The following DNAAF11 variants were observed in gnomAD, a reference collection of about 807,000 sequenced individuals.
The protein encoded by DNAAF11 is leucine rich repeat containing 6.
In DNAAF11, 45 loss-of-function variants were observed where a neutral mutation model predicts 60.8. The ratio of observed to expected loss-of-function variants is 0.74; its 90% confidence interval spans 0.58 to 0.95. The LOEUF (loss-of-function observed/expected upper bound fraction) is 0.95. Among genes scored for constraint, DNAAF11 ranks in the 40% least tolerant of loss-of-function variants. The pLI, the probability that DNAAF11 is intolerant of heterozygous loss-of-function variation, is 0.00. For missense variants in DNAAF11, 546 were observed against 546.2 expected (o/e 1.00, Z 0.00); for synonymous variants, 191 against 183.5 (o/e 1.04, Z -0.33).
upstream of DNAAF11, among the ~76,000 whole-genome samples, chr8:132,676,407 AATT>A (rs1229344713): frequency 3.3e-5 from 5 of 152,166 alleles, no homozygotes; most frequent in South Asian, 8.3e-4. Context: ...TTATGAAAGT[AATT>A]ATTATTCTTT....
At chr8:132,656,686 G>C in intron 3 of DNAAF11, 144 bp downstream of exon 3, 1 of 481,012 alleles carries the variant, frequency 2.1e-6, no homozygotes, top group Non-Finnish European at 3.8e-6. Context: ...TGGTCAGGCT[G>C]GTCTCGAACT....
chr8:132,656,854 T>A lies in DNAAF11; in HGVS notation c.232A>T (p.Ile78Phe). 1 of 1,366,832 alleles carries A rather than the reference T, an allele frequency of 7.3e-7. No individual in the cohort carries two copies. The allele number at this position is 1,366,832 out of a possible 1,614,324, so 84.7% of individuals were successfully genotyped here. ...CCTTCCAAGTTTTCTATTTTTTCAA[T>A]GTTGTTTAAAGCTAAATTCAAATAT... ...LEYLNLALNN[I>F]EKIENLEGCE... Residue 78 changes from isoleucine (I) to phenylalanine (F), a missense_variant, in exon 3 of 12, where the codon ATT (isoleucine) becomes TTT (phenylalanine). Transcript: ENST00000620350.
chr8:132,675,759 C>T, upstream of DNAAF11: 1 of 410,418 alleles, frequency 2.4e-6, no homozygotes, highest in Non-Finnish European at 4.3e-6. Context: ...TCCGACTTGC[C>T]ACAGACTGCT....
chr8:132,588,441 A>G (rs1209506146), intron 10 of DNAAF11, among the ~76,000 whole-genome samples: 2 of 152,220 alleles, frequency 1.3e-5, no homozygotes, highest in African/African-American at 4.8e-5. Flanking sequence ...CCTCCATTAA[A>G]TCTGCTCCAA....
chr8:132,670,451 C>T (rs2130880017), intron 1 of DNAAF11, among the ~76,000 whole-genome samples: 1 of 152,280 alleles, frequency 6.6e-6, no homozygotes, highest in Admixed American at 6.5e-5. Flanking sequence ...CTGAACAGCC[C>T]TATATCTACT....
intron 3 of DNAAF11, among the ~76,000 whole-genome samples, chr8:132,653,038 T>A (rs1333968487): frequency 6.6e-6 from 1 of 152,186 alleles, no homozygotes; most frequent in African/African-American, 2.4e-5. Context: ...AACTTGAATC[T>A]GGTGAAATGT....
chr8:132,700,878 T>A, the DNAAF11 span, among the ~76,000 whole-genome samples: 4 of 152,176 alleles, frequency 2.6e-5, no homozygotes, highest in Non-Finnish European at 4.4e-5. Flanking sequence ...TGATAGAGTG[T>A]CTTCCTCATT....
chr8:132,580,037 GAA>G (rs573266391), intron 11 of DNAAF11, among the ~76,000 whole-genome samples: 2 of 131,036 alleles, frequency 1.5e-5, no homozygotes, highest in Non-Finnish European at 1.7e-5. Context: ...ACTACTCAAG[GAA>G]AAAAAAAAAA....
rs867212387 is a variant in DNAAF11, at chr8:132,632,204, C to T, written c.653+536G>A. On this transcript the variant is annotated intron_variant, in intron 5 of 11. Coordinates refer to ENST00000620350, the MANE Select transcript of DNAAF11 (RefSeq NM_012472.6). ...CTGTTATCTAAATACTTAATACTTT[C>T]ACTGTATGGAATCAAATCAACTGAC... Among the ~76,000 whole-genome samples, 60 of 151,956 alleles carry T rather than the reference C, an allele frequency of 3.9e-4. 1 individual carries two copies. Among genetic ancestry groups the T allele is most frequent in the Non-Finnish European group, 1.3e-4 (9 of 67,980 alleles).
At chr8:132,576,530 C>T (rs921611833) in intron 11 of DNAAF11, among the ~76,000 whole-genome samples, 14 of 152,156 alleles carry the variant, frequency 9.2e-5, no homozygotes, top group African/African-American at 3.4e-4. Flanking sequence ...TTTTGGTGAA[C>T]TGAAAGGGAT....
chr8:132,573,968 C>T (rs2130939337), intron 11 of DNAAF11, among the ~76,000 whole-genome samples: 1 of 152,278 alleles, frequency 6.6e-6, no homozygotes, highest in South Asian at 2.1e-4. Flanking sequence ...TGTGTAGCCT[C>T]TGAAGGGGTG....
At chr8:132,597,949 G>T (rs1218285830) in intron 10 of DNAAF11, among the ~76,000 whole-genome samples, 1 of 152,112 alleles carries the variant, frequency 6.6e-6, no homozygotes, top group African/African-American at 2.4e-5. Context: ...GAAATATTGG[G>T]AACAAAATTT....
upstream of DNAAF11, chr8:132,675,623 G>T: frequency 2.1e-6 from 2 of 972,276 alleles, no homozygotes; most frequent in Non-Finnish European, 2.9e-6. Context: ...ACTCTACGGC[G>T]GCCGCGCGGG....
At chr8:132,615,134 C>A in intron 7 of DNAAF11, 37 bp from the exon 8 acceptor site, 1 of 1,231,330 alleles carries the variant, frequency 8.1e-7, no homozygotes, top group Non-Finnish European at 1.2e-6. Context: ...AAAGAGATGT[C>A]TTTAGGATAC....
intron 11 of DNAAF11, among the ~76,000 whole-genome samples, chr8:132,575,977 G>A (rs926732376): frequency 6.6e-5 from 10 of 152,170 alleles, no homozygotes; most frequent in African/African-American, 2.4e-4. Context: ...GCAAGTGCCG[G>A]TGCCACGACT....
At chr8:132,673,104 CAA>C (rs2130898603) in intron 1 of DNAAF11, among the ~76,000 whole-genome samples, 1 of 152,248 alleles carries the variant, frequency 6.6e-6, no homozygotes, top group African/African-American at 2.4e-5. Context: ...TGTGGCACAG[CAA>C]AAGAGGACCA....
intron 5 of DNAAF11, among the ~76,000 whole-genome samples, chr8:132,629,625 G>A (rs1820613382): frequency 6.6e-6 from 1 of 151,978 alleles, no homozygotes; most frequent in African/African-American, 2.4e-5. Context: ...GAGATTACAG[G>A]CATGAGCCAC....
chr8:132,687,167 A>T, the DNAAF11 span, among the ~76,000 whole-genome samples: 1 of 152,194 alleles, frequency 6.6e-6, no homozygotes, highest in African/African-American at 2.4e-5. Context: ...AAGAAGGGAA[A>T]GCTAATAAAA....
the DNAAF11 span, among the ~76,000 whole-genome samples, chr8:132,697,009 T>C: frequency 0.029 from 4,468 of 152,244 alleles, 258 homozygotes; most frequent in African/African-American, 0.1. Flanking sequence ...AGTTTACCTA[T>C]GTAACAAACC....
Sources: gnomAD v4.1 joint callset for allele counts (sites outside exome capture counted in the v4.1 genomes callset) on GRCh38, gnomAD v4.1.1 for gene constraint, MANE v1.5 for transcripts, NCBI Gene and HGNC (gene_info 2026-07-23, HGNC 2026-07-21) for gene names.